Variants in CCDC69 observed in about 807,000 individuals in gnomAD.
CCDC69 encodes the protein coiled-coil domain containing 69, also known as coiled-coil domain-containing protein 69.
Under a neutral mutation model 40.3 loss-of-function variants are expected in CCDC69, and 38 were observed. The ratio of observed to expected loss-of-function variants is 0.94; its 90% confidence interval spans 0.73 to 1.24. The LOEUF is 1.24. Among genes scored for constraint, CCDC69 ranks in the 50% most tolerant of loss-of-function variants. The pLI is 0.00. For missense variants in CCDC69, 389 were observed against 357.9 expected, an observed-to-expected ratio of 1.09 and a Z score of -0.70; for synonymous variants, 141 against 138.9, an observed-to-expected ratio of 1.02 and a Z score of -0.11.
intron 1 of CCDC69, among the ~76,000 whole-genome samples, chr5:151,218,973 A>G (rs1753094044): frequency 6.6e-6 from 1 of 152,242 alleles, no homozygotes; most frequent in Admixed American, 6.5e-5. Flanking sequence ...TAGGTTGCCA[A>G]ACGCAAAAAT....
At chr5:151,201,453 T>A (rs1042767812) in intron 3 of CCDC69, 129 bp downstream of exon 3, 3 of 610,220 alleles carry the variant, frequency 4.9e-6, no homozygotes, top group Non-Finnish European at 8.8e-6. Context: ...GATAAAGGAC[T>A]CCCTTCCTGG....
chr5:151,219,692 T>C (rs1472114656), intron 1 of CCDC69, among the ~76,000 whole-genome samples: 1 of 152,188 alleles, frequency 6.6e-6, no homozygotes, highest in Non-Finnish European at 1.5e-5. Context: ...AGAATGACAC[T>C]GAAATGTACA....
intron 4 of CCDC69, among the ~76,000 whole-genome samples, chr5:151,198,481 C>T (rs1308071400): frequency 1.3e-5 from 2 of 152,182 alleles, no homozygotes; most frequent in East Asian, 1.9e-4. Flanking sequence ...TCTCAAAGTG[C>T]CAGGAATACA....
At chr5:151,208,107 C>T (rs1752878512) in intron 1 of CCDC69, among the ~76,000 whole-genome samples, 1 of 152,010 alleles carries the variant, frequency 6.6e-6, no homozygotes, top group African/African-American at 2.4e-5. Context: ...AAAAATTAGG[C>T]AGGTGTGGTG....
At position 151,183,270 on chromosome 5, in the gene CCDC69, T is replaced by C. The variant is rs1270914108; in HGVS notation, c.*167A>G. On this transcript the variant is annotated 3_prime_UTR_variant, in exon 9 of 9. Transcript: ENST00000355417. ...CTCCAAAACCCTGTGGGTGATTCCA[T>C]GTAACTCAAGGCCCCAGGGCTCACT... 5 of 803,136 alleles carry C rather than the reference T, an allele frequency of 6.2e-6. No individual in the cohort carries two copies. The East Asian group carries it at 1.1e-4, about 17-fold the overall frequency. 49.8% of individuals were successfully genotyped at this position (803,136 alleles called of 1,614,324 possible).
intron 4 of CCDC69, among the ~76,000 whole-genome samples, chr5:151,197,270 G>A (rs1232348214): frequency 6.6e-6 from 1 of 152,244 alleles, no homozygotes; most frequent in Non-Finnish European, 1.5e-5. Context: ...GCTCATGCCT[G>A]TAATCCCAGC....
At chr5:151,201,343 C>G (rs1253798682) in intron 3 of CCDC69, among the ~76,000 whole-genome samples, 1 of 152,184 alleles carries the variant, frequency 6.6e-6, no homozygotes, top group Non-Finnish European at 1.5e-5. Context: ...TTTTACTCTT[C>G]CCAAATAGAC....
chr5:151,188,305 G>A (rs1023089868), intron 4 of CCDC69, among the ~76,000 whole-genome samples: 4 of 152,178 alleles, frequency 2.6e-5, no homozygotes, highest in South Asian at 2.1e-4. Context: ...TGGCAGTGAT[G>A]AAAAAAATAA....
chr5:151,194,412 TA>T (rs1005398716), intron 4 of CCDC69, among the ~76,000 whole-genome samples: 1 of 152,212 alleles, frequency 6.6e-6, no homozygotes, highest in African/African-American at 2.4e-5. Flanking sequence ...GAAGCCAATA[TA>T]AAAAATCATA....
Position 151,184,403 on chromosome 5 carries a change from G to A in CCDC69, c.654C>T (p.Thr218=). Residue 218 remains threonine, a synonymous_variant, in exon 8 of 9, where the codon ACC becomes ACT. Transcript: ENST00000355417. ...KNLILEEKIT[T]LQQENEDLHV... is the part of the protein sequence containing the mutation. ...GGAGGTCCTCATTTTCCTGTTGCAG[G>A]GTCGTAATTTTTTCCTCCAATATCA... The A allele has an allele frequency of 1.2e-6, 2 of 1,613,996 alleles. No homozygotes were observed. Among genetic ancestry groups the A allele is most frequent in the African/African-American group, 2.7e-5 (2 of 74,976 alleles).
At chr5:151,221,484 G>A (rs1753134077) in intron 1 of CCDC69, among the ~76,000 whole-genome samples, 1 of 152,192 alleles carries the variant, frequency 6.6e-6, no homozygotes, top group Non-Finnish European at 1.5e-5. Flanking sequence ...CCCCTAGCAT[G>A]GCTCTTATTT....
At position 151,182,673 on chromosome 5, in the gene CCDC69, G is replaced by A. The variant is rs1039234584; in HGVS notation, c.*764C>T. 1.6e-5 allele frequency: 4 copies of A among 255,616 alleles called. No individual in the cohort carries two copies. The highest frequency in any genetic ancestry group is 2.3e-5 in the Non-Finnish European group (3 of 128,284). 15.8% of individuals were successfully genotyped at this position (255,616 alleles called of 1,614,324 possible). A position where few individuals can be genotyped will look rare whatever the true frequency, so the allele number is the denominator to read the frequency against. ...CCACCAAGCTTGCCCCTGTGCCCAG[G>A]TGGCACCAAGACTGAAGGGCCAGGA... On this transcript the variant is annotated 3_prime_UTR_variant, in exon 9 of 9. Transcript: ENST00000355417.
rs942915756 is a variant in CCDC69, at chr5:151,182,216, C to T, written c.*1221G>A. 1.3e-5 allele frequency: 2 copies of T among 152,358 alleles called. No homozygotes were observed. Among genetic ancestry groups the T allele is most frequent in the East Asian group, 3.9e-4 (2 of 5,190 alleles). The allele number at this position is 152,358 out of a possible 1,614,324, so 9.4% of individuals were successfully genotyped here. ...GGAGGGGTATGGAAAGCCTTTGATG[C>T]AAATGCTCTATGCAGAACAGGAGTT... On this transcript the variant is annotated 3_prime_UTR_variant, in exon 9 of 9. Transcript: ENST00000355417.
chr5:151,223,726 C>T (rs1753171054), intron 1 of CCDC69, among the ~76,000 whole-genome samples, 197 bp downstream of exon 1: 1 of 152,192 alleles, frequency 6.6e-6, no homozygotes, highest in African/African-American at 2.4e-5. Flanking sequence ...GTAAACTCGG[C>T]TGCTTGGTGC....
At position 151,183,590 on chromosome 5, in the gene CCDC69, G is replaced by A; in HGVS notation, c.738C>T (p.Leu246=). 6.2e-7 allele frequency: 1 copy of A among 1,612,016 alleles called. No homozygotes were observed. The highest frequency in any genetic ancestry group is 8.5e-7 in the Non-Finnish European group (1 of 1,179,224). Residue 246 remains leucine, a synonymous_variant, in exon 9 of 9, where the codon CTC becomes CTT. Transcript: ENST00000355417. ...LSRQLSEDLL[L]TREALEKEVQ... is the part of the protein sequence containing the mutation. ...CCTCCTTCTCCAGGGCCTCACGCGT[G>A]AGAAGCAGGTCTTCTGACAGCTGCC...
At chr5:151,184,534 C>A in intron 7 of CCDC69, 93 bp from the exon 8 acceptor site, 1 of 769,932 alleles carries the variant, frequency 1.3e-6, no homozygotes. Flanking sequence ...ACTGAAAGCA[C>A]TGATTCATTC....
chr5:151,199,924 T>C lies in CCDC69; in HGVS notation c.232-840A>G, dbSNP rs1219905098. Among the ~76,000 whole-genome samples the C allele has an allele frequency of 2.0e-5, 3 of 152,214 alleles. No individual in the cohort carries two copies. In the East Asian group the frequency reaches 5.8e-4, roughly 29 times the overall value. On this transcript the variant is annotated intron_variant, in intron 3 of 8. Transcript: ENST00000355417. Reference sequence around the variant, plus strand: ...TCTAAGCTAAAACCATTTTAATGTGTGTGGGGGCACTTGCCACAGCCTTCC... The same window carrying C: ...TCTAAGCTAAAACCATTTTAATGTGCGTGGGGGCACTTGCCACAGCCTTCC...
At chr5:151,187,059 T>C (rs1033164977) in intron 5 of CCDC69, among the ~76,000 whole-genome samples, 5 of 152,238 alleles carry the variant, frequency 3.3e-5, no homozygotes, top group African/African-American at 9.6e-5. Flanking sequence ...CACAGCCACA[T>C]TGAGTCAGAT....
At chr5:151,191,774 T>C (rs968091797) in intron 4 of CCDC69, among the ~76,000 whole-genome samples, 1 of 152,118 alleles carries the variant, frequency 6.6e-6, no homozygotes, top group Non-Finnish European at 1.5e-5. Flanking sequence ...CTCAAATCAA[T>C]ATTCTAAGCT....
Sources: gnomAD v4.1 joint callset for allele counts (sites outside exome capture counted in the v4.1 genomes callset) on GRCh38, gnomAD v4.1.1 for gene constraint, MANE v1.5 for transcripts, NCBI Gene and HGNC (gene_info 2026-07-23, HGNC 2026-07-21) for gene names.